The following CDKL5 variants were observed in gnomAD, a reference collection of about 807,000 sequenced individuals.
CDKL5 encodes the protein cyclin-dependent kinase-like 5.
A neutral mutation model predicts 61.7 loss-of-function variants in CDKL5; 8 were observed. That is an observed-to-expected ratio of 0.13 (90% confidence interval 0.08 to 0.23). CDKL5 has a LOEUF of 0.23. Among genes scored for constraint, CDKL5 ranks in the 10% least tolerant of loss-of-function variants. The pLI, the probability that CDKL5 is intolerant of heterozygous loss-of-function variation, is 1.00. For synonymous variants in CDKL5, 275 were observed against 272.3 expected, an observed-to-expected ratio of 1.01 and a Z score of -0.10; for missense variants, 440 against 734.5, an observed-to-expected ratio of 0.60 and a Z score of 4.63.
chrX:18,493,168 A>G (rs1922052504), intron 1 of CDKL5, among the ~76,000 whole-genome samples: 1 of 111,917 alleles, frequency 8.9e-6, no homozygotes, highest in African/African-American at 3.3e-5. Flanking sequence ...TCTCTAAGAG[A>G]GCCAACAACT....
At chrX:18,516,102 C>G (rs767330534) in intron 3 of CDKL5, among the ~76,000 whole-genome samples, 2 of 110,033 alleles carry the variant, frequency 1.8e-5, no homozygotes, top group Non-Finnish European at 3.8e-5. Context: ...ATTCTTATAC[C>G]TCAGCCTTCC....
At chrX:18,649,713 C>T (rs760364531) in intron 20 of CDKL5, among the ~76,000 whole-genome samples, 45 of 112,148 alleles carry the variant, frequency 4.0e-4, no homozygotes, top group Non-Finnish European at 7.3e-4. Flanking sequence ...TTTGAAAGTG[C>T]ACCTTGAAAA....
rs186828122 is a variant in CDKL5, at chrX:18,457,630, T to G, written c.-163+31935T>G. Reference sequence around the variant, plus strand: ...TGTTTTTTTGTTTGTTTGTTTGTTTTTTTTTGACTGAGTCTCGCTCTGTTG... The same window carrying G: ...TGTTTTTTTGTTTGTTTGTTTGTTTGTTTTTGACTGAGTCTCGCTCTGTTG... On this transcript the variant is annotated intron_variant, in intron 1 of 17. Coordinates refer to ENST00000623535, the MANE Select transcript of CDKL5 (RefSeq NM_001323289.2). The G allele has an allele frequency of 8.4e-3, 938 of 111,121 alleles. 6 individuals carry two copies. Among genetic ancestry groups the G allele is most frequent in the Middle Eastern group, 0.05 (11 of 218 alleles). The allele number at this position is 111,121 out of a possible 1,213,427, so 9.2% of individuals were successfully genotyped here. A position where few individuals can be genotyped will look rare whatever the true frequency, so the allele number is the denominator to read the frequency against.
At chrX:18,489,183 A>G (rs1274221378) in intron 1 of CDKL5, among the ~76,000 whole-genome samples, 2 of 110,267 alleles carry the variant, frequency 1.8e-5, no homozygotes, top group East Asian at 5.8e-4. Flanking sequence ...CAGTGGCATG[A>G]TCTTGGCTCA....
intron 8 of CDKL5, among the ~76,000 whole-genome samples, chrX:18,586,460 A>G (rs1488269586): frequency 9.0e-6 from 1 of 111,539 alleles, no homozygotes; most frequent in African/African-American, 3.3e-5. Context: ...CTTATTGTGA[A>G]TCTTCAGAGA....
chrX:18,649,764 G>T (rs1180369874), intron 20 of CDKL5, among the ~76,000 whole-genome samples: 2 of 112,228 alleles, frequency 1.8e-5, no homozygotes, highest in Non-Finnish European at 3.8e-5. Flanking sequence ...GTGGGCTGGG[G>T]ATCCCGAGGA....
At position 18,550,414 on chromosome X, in the gene CDKL5, A is replaced by G. The variant is rs185292209; in HGVS notation, c.100-14063A>G. Among the ~76,000 whole-genome samples the G allele has an allele frequency of 1.3e-4, 15 of 111,975 alleles. No homozygotes were observed. In the East Asian group the frequency reaches 4.2e-3, roughly 31 times the overall value. On this transcript the variant is annotated intron_variant, in intron 3 of 17. Coordinates refer to ENST00000623535, the MANE Select transcript of CDKL5 (RefSeq NM_001323289.2). ...AAAACTTAACATTTACCTGAACAAG[A>G]CTATAAACCAGAAGGGACTGCACTA...
At chrX:18,544,021 A>G (rs1924110734) in intron 3 of CDKL5, among the ~76,000 whole-genome samples, 1 of 111,806 alleles carries the variant, frequency 8.9e-6, no homozygotes, top group Admixed American at 9.5e-5. Context: ...TCCAGTGGGT[A>G]GTGCTTCCCT....
At chrX:18,478,281 CTTTCCTTTTTTTTTTTT>C (rs138722736) in intron 1 of CDKL5, among the ~76,000 whole-genome samples, 2 of 78,898 alleles carry the variant, frequency 2.5e-5, no homozygotes, top group Non-Finnish European at 4.7e-5. Flanking sequence ...TGTTTCTTTT[CTTTCCTTTTTTTTTTTT>C]TTTTTTGAGA....
At chrX:18,586,627 TA>T in intron 8 of CDKL5, among the ~76,000 whole-genome samples, 1 of 112,361 alleles carries the variant, frequency 8.9e-6, no homozygotes, top group Non-Finnish European at 1.9e-5. Context: ...GCCATATTTG[TA>T]AAAATCCTTT....
chrX:18,499,286 A>G (rs1330364656), intron 1 of CDKL5, among the ~76,000 whole-genome samples: 1 of 109,859 alleles, frequency 9.1e-6, no homozygotes, highest in African/African-American at 3.3e-5. Context: ...CTCTCTATCT[A>G]GCATTCTAAT....
At chrX:18,483,110 C>T (rs1921647971) in intron 1 of CDKL5, among the ~76,000 whole-genome samples, 1 of 111,432 alleles carries the variant, frequency 9.0e-6, no homozygotes, top group African/African-American at 3.3e-5. Context: ...AAGTTATTGG[C>T]CTTCTTATTA....
At chrX:18,562,204 C>T (rs1924827492) in intron 3 of CDKL5, among the ~76,000 whole-genome samples, 1 of 111,720 alleles carries the variant, frequency 9.0e-6, no homozygotes, top group South Asian at 3.7e-4. Flanking sequence ...TTCTTATACA[C>T]TGCTGAAGGG....
chrX:18,557,290 A>G (rs1016736490), intron 3 of CDKL5, among the ~76,000 whole-genome samples: 2 of 112,248 alleles, frequency 1.8e-5, no homozygotes, highest in African/African-American at 6.5e-5. Context: ...TATTACAACT[A>G]TTTATTTGCA....
In CDKL5 at chrX:18,518,388, A is replaced by ATTTTTTTTTTTTTTTTTTTTTTTTT. The variant is rs779361711; in HGVS notation, c.99+7545_99+7569dup. ...AAGTCATGTTTTCTTTTCTTTTCTT[A>ATTTTTTTTTTTTTTTTTTTTTTTTT]TTTTTTTTTTTTTTTTTTTTTTTTT... On this transcript the variant is annotated intron_variant, in intron 3 of 17. Transcript: ENST00000623535. Among the ~76,000 whole-genome samples, 49 of 21,163 alleles carry ATTTTTTTTTTTTTTTTTTTTTTTTT rather than the reference A, an allele frequency of 2.3e-3. 17 individuals are homozygous for ATTTTTTTTTTTTTTTTTTTTTTTTT. Among genetic ancestry groups the ATTTTTTTTTTTTTTTTTTTTTTTTT allele is most frequent in the Non-Finnish European group, 3.4e-3 (40 of 11,603 alleles). 18.4% of individuals were successfully genotyped at this position (21,163 alleles called of 115,157 possible).
In CDKL5 at chrX:18,647,325, T is replaced by C; in HGVS notation, c.2797+1235T>C. 2.5e-6 allele frequency: 3 copies of C among 1,210,331 alleles called. No individual in the cohort carries two copies. In the South Asian group the frequency reaches 5.3e-5, roughly 21 times the overall value. ...ACTCGAAACCCAGAGGCTTGTGATATGGGCATTCTGGGAAAGGAAAAAGAA... is the reference window on the plus strand; with the variant it reads ...ACTCGAAACCCAGAGGCTTGTGATACGGGCATTCTGGGAAAGGAAAAAGAA... On this transcript the variant is annotated intron_variant, in intron 20 of 21. Coordinates refer to the CDKL5 transcript ENST00000379989.
At chrX:18,475,449 A>G (rs1921273217) in intron 1 of CDKL5, among the ~76,000 whole-genome samples, 1 of 108,852 alleles carries the variant, frequency 9.2e-6, no homozygotes, top group African/African-American at 3.4e-5. Flanking sequence ...CATGCCCACC[A>G]TGCTTGGCTA....
At chrX:18,495,075 A>G (rs1922121542) in intron 1 of CDKL5, among the ~76,000 whole-genome samples, 1 of 112,330 alleles carries the variant, frequency 8.9e-6, no homozygotes, top group Admixed American at 9.4e-5. Flanking sequence ...GAGTTTTAAG[A>G]TGCTTTCCAA....
rs781605954 is a variant in CDKL5 at position 18,460,274 on chromosome X, A to C, written c.-163+34579A>C. On this transcript the variant is annotated intron_variant, in intron 1 of 17. Transcript: ENST00000623535. The stretch of plus-strand genomic sequence containing the variant: ...ATGGCTGGAGGAAGCGGGGTGCCGT[A>C]GGGGGGACCGTACTACACACTTTTA... Among the ~76,000 whole-genome samples, 3 of 110,740 alleles carry C rather than the reference A, an allele frequency of 2.7e-5. No homozygotes were observed. In the South Asian group the frequency reaches 1.2e-3, roughly 42 times the overall value.
Sources: gnomAD v4.1 joint callset for allele counts (sites outside exome capture counted in the v4.1 genomes callset) on GRCh38, gnomAD v4.1.1 for gene constraint, MANE v1.5 for transcripts, NCBI Gene and HGNC (gene_info 2026-07-23, HGNC 2026-07-21) for gene names.